MAPKAP1: variants seen among roughly 807,000 people sequenced by gnomAD.
The protein encoded by MAPKAP1 is target of rapamycin complex 2 subunit MAPKAP1.
A neutral mutation model predicts 65.7 loss-of-function variants in MAPKAP1; 20 were observed. That is an observed-to-expected ratio of 0.30 (90% CI 0.21 to 0.44). The LOEUF (loss-of-function observed/expected upper bound fraction) is 0.44. MAPKAP1 is among the 20% of genes least tolerant of loss of function. The pLI is 1.00. For synonymous variants in MAPKAP1, 222 were observed against 244.3 expected (o/e 0.91, Z 0.85); for missense variants, 423 against 648.0 (o/e 0.65, Z 3.77).
intron 1 of MAPKAP1, among the ~76,000 whole-genome samples, chr9:125,673,567 T>C (rs986567166): frequency 1.3e-5 from 2 of 152,110 alleles, no homozygotes; most frequent in African/African-American, 2.4e-5. Context: ...TTACCTACTA[T>C]ACAATCAACT....
chr9:125,614,280 A>C (rs1832683835), intron 4 of MAPKAP1, among the ~76,000 whole-genome samples: 1 of 151,946 alleles, frequency 6.6e-6, no homozygotes, highest in African/African-American at 2.4e-5. Flanking sequence ...AGCTGAGTTT[A>C]TTGTATCAAA....
At chr9:125,704,682 A>AC (rs2131890004) in intron 1 of MAPKAP1, among the ~76,000 whole-genome samples, 1 of 152,188 alleles carries the variant, frequency 6.6e-6, no homozygotes, top group South Asian at 2.1e-4. Flanking sequence ...ACTGACTCTG[A>AC]CCCCTACCGC....
intron 4 of MAPKAP1, among the ~76,000 whole-genome samples, chr9:125,650,629 T>C (rs1320503777): frequency 3.3e-5 from 5 of 152,146 alleles, no homozygotes; most frequent in Non-Finnish European, 5.9e-5. Flanking sequence ...TGGTGAATTC[T>C]ACCTCATGGA....
chr9:125,657,542 C>T (rs572472339), intron 4 of MAPKAP1, 109 bp downstream of exon 4: 1 of 1,002,332 alleles, frequency 1.0e-6, no homozygotes, highest in Admixed American at 2.6e-5. Context: ...TAACTGTCAA[C>T]TGATATTCTA....
intron 7 of MAPKAP1, among the ~76,000 whole-genome samples, chr9:125,516,408 T>C (rs10739662): frequency 0.51 from 77,437 of 152,068 alleles, 20,423 homozygotes; most frequent in African/African-American, 0.66. Flanking sequence ...ACCAGACACA[T>C]AGAAGCGGCA....
At chr9:125,533,349 A>G (rs1363175111) in intron 7 of MAPKAP1, among the ~76,000 whole-genome samples, 2 of 152,210 alleles carry the variant, frequency 1.3e-5, no homozygotes, top group African/African-American at 4.8e-5. Context: ...GCTAACCATC[A>G]GTTTGGCAAA....
chr9:125,586,090 T>A (rs1192811881), intron 4 of MAPKAP1, among the ~76,000 whole-genome samples: 1 of 152,122 alleles, frequency 6.6e-6, no homozygotes, highest in African/African-American at 2.4e-5. Context: ...ACTGTCTCAT[T>A]GTCCTTGAGA....
chr9:125,604,689 C>A (rs1330039666), intron 4 of MAPKAP1, among the ~76,000 whole-genome samples: 1 of 152,170 alleles, frequency 6.6e-6, no homozygotes, highest in African/African-American at 2.4e-5. Flanking sequence ...CACAGATGTA[C>A]CAAATTTATC....
chr9:125,514,619 T>C (rs1024446673), intron 7 of MAPKAP1, among the ~76,000 whole-genome samples: 2 of 152,184 alleles, frequency 1.3e-5, no homozygotes, highest in African/African-American at 4.8e-5. Context: ...AGCAAGCTTG[T>C]TCAAGGAGGA....
intron 4 of MAPKAP1, among the ~76,000 whole-genome samples, chr9:125,621,269 C>G (rs978845709): frequency 6.6e-6 from 1 of 151,114 alleles, no homozygotes; most frequent in Non-Finnish European, 1.5e-5. Flanking sequence ...AAGACACTTT[C>G]TCAAAAAAAA....
chr9:125,583,673 G>A (rs1831690206), intron 5 of MAPKAP1, among the ~76,000 whole-genome samples: 1 of 152,212 alleles, frequency 6.6e-6, no homozygotes, highest in Non-Finnish European at 1.5e-5. Flanking sequence ...TCTATAAGAT[G>A]TACATCACAG....
rs139779853 is a variant in MAPKAP1, at chr9:125,461,664, A to G, written c.1345+6308T>C. On this transcript the variant is annotated intron_variant, in intron 10 of 11. Transcript: ENST00000265960. Reference sequence around the variant, plus strand: ...AGTACTCTTATGAAAAGGCAATTCAATAACTGGGGCATTAATATGTGAGAG... The same window carrying G: ...AGTACTCTTATGAAAAGGCAATTCAGTAACTGGGGCATTAATATGTGAGAG... Among the ~76,000 whole-genome samples the G allele has an allele frequency of 3.1e-3, 474 of 152,330 alleles. 2 individuals carry two copies. The highest frequency in any genetic ancestry group is 6.8e-3 in the Middle Eastern group (2 of 294).
intron 3 of MAPKAP1, among the ~76,000 whole-genome samples, chr9:125,664,360 A>AAAAAAT (rs1176631655): frequency 7.9e-5 from 12 of 151,768 alleles, no homozygotes; most frequent in African/African-American, 2.9e-4. Flanking sequence ...AAAAAATAAA[A>AAAAAAT]AAAAATAAAA....
chr9:125,686,503 T>C (rs920085726), intron 1 of MAPKAP1, among the ~76,000 whole-genome samples: 2 of 152,208 alleles, frequency 1.3e-5, no homozygotes, highest in East Asian at 3.8e-4. Context: ...GGCTGAACTA[T>C]ATGAAGGGAC....
chr9:125,693,712 T>TATATATACAGGTATACACACAC (rs1564620317), intron 1 of MAPKAP1, among the ~76,000 whole-genome samples: 8 of 57,514 alleles, frequency 1.4e-4, no homozygotes, highest in African/African-American at 4.3e-4. Context: ...TATATACACA[T>TATATATACAGGTATACACACAC]ATATACACGT....
At chr9:125,591,746 G>A (rs1216329230) in intron 4 of MAPKAP1, among the ~76,000 whole-genome samples, 1 of 152,082 alleles carries the variant, frequency 6.6e-6, no homozygotes, top group East Asian at 1.9e-4. Context: ...GCAATATTTA[G>A]AAGGAATCAT....
intron 3 of MAPKAP1, among the ~76,000 whole-genome samples, chr9:125,667,490 A>G: frequency 7.1e-6 from 1 of 141,750 alleles, no homozygotes; most frequent in East Asian, 2.1e-4. Flanking sequence ...CAGCTAATTT[A>G]TATTTTTAGT....
intron 7 of MAPKAP1, among the ~76,000 whole-genome samples, chr9:125,524,738 T>A (rs2133123104): frequency 6.6e-6 from 1 of 152,354 alleles, no homozygotes; most frequent in African/African-American, 2.4e-5. Context: ...ATCCAGCAGC[T>A]TCCACTGCAG....
chr9:125,510,302 CATAA>C (rs952669721), intron 7 of MAPKAP1, among the ~76,000 whole-genome samples: 1 of 152,176 alleles, frequency 6.6e-6, no homozygotes, highest in Non-Finnish European at 1.5e-5. Flanking sequence ...TAGTTTATAC[CATAA>C]ATAAAGGTTT....
Sources: allele counts gnomAD v4.1 joint callset (sites outside exome capture counted in the v4.1 genomes callset), GRCh38; gene constraint gnomAD v4.1.1; transcripts MANE v1.5; gene names NCBI Gene and HGNC (gene_info 2026-07-23, HGNC 2026-07-21).